Variants in ANKS3 observed in about 807,000 individuals in gnomAD.
ANKS3 encodes the protein ankyrin repeat and SAM domain-containing protein 3.
Under a neutral mutation model 80.7 loss-of-function variants are expected in ANKS3, and 62 were observed. The observed-to-expected ratio is 0.77, with a 90% CI of 0.63 to 0.95. The LOEUF (loss-of-function observed/expected upper bound fraction) is 0.95. Ranked by LOEUF, ANKS3 falls within the 40% of genes least tolerant of loss-of-function variation. The probability of loss-of-function intolerance (pLI) is 0.00; values close to 1 mark genes in which losing one functional copy is unlikely to be tolerated. For synonymous variants in ANKS3, 489 were observed against 355.3 expected (o/e 1.38, Z -4.23); for missense variants, 1,150 against 883.6 (o/e 1.30, Z -3.82).
chr16:4,713,074 A>G (rs906834228), intron 7 of ANKS3, among the ~76,000 whole-genome samples: 1 of 152,128 alleles, frequency 6.6e-6, no homozygotes, highest in Admixed American at 6.6e-5. Context: ...GTTCTAGACC[A>G]GCCTGACCAA....
rs769934638 is a variant in ANKS3 at position 4,730,051 on chromosome 16, C to T, written c.99G>A (p.Leu33=). The T allele has an allele frequency of 1.9e-6, 3 of 1,588,946 alleles. No individual in the cohort carries two copies. In the African/African-American group the frequency reaches 4.1e-5, roughly 22 times the overall value. Residue 33 remains leucine, a synonymous_variant, in exon 3 of 18, where the codon CTG becomes CTA. Transcript: ENST00000304283. The part of the protein sequence containing the change: ...GLGTQVSGEE[L]DVPLDLHTAA... The stretch of plus-strand genomic sequence containing the variant: ...CTGTGTGAAGATCCAGGGGGACATC[C>T]AGCTCCTCCCCGCTGACCTGTGTCC...
chr16:4,706,575 A>G (rs2080209162), intron 7 of ANKS3, among the ~76,000 whole-genome samples: 1 of 152,230 alleles, frequency 6.6e-6, no homozygotes, highest in African/African-American at 2.4e-5. Context: ...TGTGTTTGCT[A>G]TGATTATAAA....
chr16:4,733,428 A>C (rs2081769715), intron 1 of ANKS3, among the ~76,000 whole-genome samples: 1 of 151,880 alleles, frequency 6.6e-6, no homozygotes, highest in Non-Finnish European at 1.5e-5. Flanking sequence ...AGTAGCTGAG[A>C]TTACAGGTAT....
chr16:4,718,652 C>T (rs371059249), intron 6 of ANKS3, among the ~76,000 whole-genome samples: 6 of 152,216 alleles, frequency 3.9e-5, no homozygotes, highest in Non-Finnish European at 8.8e-5. Context: ...GCAGGAAAAA[C>T]GTGGGAGAGA....
chr16:4,727,390 T>C, intron 3 of ANKS3: 1 of 605,016 alleles, frequency 1.7e-6, no homozygotes, highest in East Asian at 2.8e-5. Context: ...TTCGTCTCCT[T>C]GCTCTGATTT....
intron 15 of ANKS3, 104 bp downstream of exon 15, chr16:4,697,873 G>C: frequency 1.8e-6 from 2 of 1,103,904 alleles, no homozygotes; most frequent in Non-Finnish European, 2.5e-6. Context: ...CTGGGAGAGT[G>C]GCTGCCGGCC....
chr16:4,716,855 C>T (rs762041006), intron 6 of ANKS3, among the ~76,000 whole-genome samples: 27 of 152,044 alleles, frequency 1.8e-4, no homozygotes, highest in Non-Finnish European at 3.2e-4. Flanking sequence ...GCGGAGGTTG[C>T]AGTGAGCTGA....
At chr16:4,730,980 G>C (rs2081585920) in intron 2 of ANKS3, among the ~76,000 whole-genome samples, 2 of 152,186 alleles carry the variant, frequency 1.3e-5, no homozygotes, top group African/African-American at 4.8e-5. Context: ...TAAAAGAATG[G>C]ATAAACAAAC....
chr16:4,701,603 G>A (rs1013739480), intron 9 of ANKS3, 60 bp from the exon 10 acceptor site: 48 of 1,484,654 alleles, frequency 3.2e-5, no homozygotes, highest in African/African-American at 3.1e-4. Flanking sequence ...GCGCATGGGC[G>A]TGCCCCGGGC....
At chr16:4,700,888 C>T (rs553397760) in intron 11 of ANKS3, 82 bp downstream of exon 11, 229 of 1,549,480 alleles carry the variant, frequency 1.5e-4, no homozygotes, top group Non-Finnish European at 1.9e-4. Context: ...GCGCCTGGCA[C>T]GTCATATACA....
Position 4,701,817 on chromosome 16 carries a change from T to A in ANKS3, c.1010-274A>T, listed in dbSNP as rs2079923570. 3 of 502,704 alleles carry A rather than the reference T, an allele frequency of 6.0e-6. No individual in the cohort carries two copies. The Admixed American group carries it at 1.1e-4, about 18-fold the overall frequency. The allele number at this position is 502,704 out of a possible 1,614,324, so 31.1% of individuals were successfully genotyped here. ...AAACAGCTGCTGCACGGAGGTGCAG[T>A]TATAACAGACATTCCTACTGGGGCC... On this transcript the variant is annotated intron_variant, in intron 9 of 17. Transcript: ENST00000304283.
At position 4,724,767 on chromosome 16, in the gene ANKS3, G is replaced by A; in HGVS notation, c.556C>T (p.Gln186Ter). 1 of 1,613,858 alleles carries A rather than the reference G, an allele frequency of 6.2e-7. No individual in the cohort carries two copies. The highest frequency in any genetic ancestry group is 8.5e-7 in the Non-Finnish European group (1 of 1,179,920). ...AAAAGHEIIV[Q>*]YFLNHGVKVD... is the part of the protein sequence containing the mutation. The stretch of plus-strand genomic sequence containing the variant: ...TCACTTACGTGATTCAGAAAATACT[G>A]CACGATTATCTCATGGCCAGCAGCA... The change falls in exon 6 of 18, where the codon CAG (glutamine) becomes TAG (stop). Residue 186 changes from glutamine (Q) to a stop codon, truncating the protein, a stop_gained. Coordinates refer to ENST00000304283, the MANE Select transcript of ANKS3 (RefSeq NM_133450.4). LOFTEE classifies it high-confidence loss of function.
chr16:4,729,227 C>T (rs1363927442), intron 3 of ANKS3: 9 of 152,300 alleles, frequency 5.9e-5, no homozygotes, highest in Non-Finnish European at 1.0e-4. Flanking sequence ...TGGGCAGTGA[C>T]GTCGGGAGGT....
intron 5 of ANKS3, among the ~76,000 whole-genome samples, chr16:4,725,763 G>A (rs951524243): frequency 6.6e-6 from 1 of 152,110 alleles, no homozygotes; most frequent in African/African-American, 2.4e-5. Context: ...GGTTTCAAGT[G>A]ATTCTCCCGC....
chr16:4,697,186 T>C (rs2079607443), intron 16 of ANKS3, 82 bp from the exon 17 acceptor site: 1 of 1,567,194 alleles, frequency 6.4e-7, no homozygotes, highest in Non-Finnish European at 8.7e-7. Context: ...AGCTGCAGGA[T>C]GTGACCTGCC....
intron 6 of ANKS3, among the ~76,000 whole-genome samples, chr16:4,719,439 A>G (rs1015326220): frequency 2.0e-5 from 3 of 152,154 alleles, no homozygotes; most frequent in African/African-American, 4.8e-5. Flanking sequence ...GAGGCTCTTT[A>G]TGGTTCTGGG....
intron 8 of ANKS3, among the ~76,000 whole-genome samples, chr16:4,704,569 G>C (rs2080086650): frequency 6.6e-6 from 1 of 152,168 alleles, no homozygotes; most frequent in Admixed American, 6.5e-5. Context: ...GAATGAACGA[G>C]ACTGGAAAAC....
In ANKS3 at chr16:4,702,169, G is replaced by A. The variant is rs774170894; in HGVS notation, c.942C>T (p.Cys314=). Residue 314 remains cysteine, a synonymous_variant, in exon 9 of 18, where the codon TGC becomes TGT. Transcript: ENST00000304283. ...GENPLEEEGL[C]CRDVTSPINE... ...TGATGGGGGAGGTGACATCCCGGCA[G>A]CAGAGGCCCTCTTCTTCCAGGGGGT... The A allele has an allele frequency of 1.9e-5, 31 of 1,593,884 alleles. No homozygotes were observed. Among genetic ancestry groups the A allele is most frequent in the Admixed American group, 7.1e-5 (4 of 56,382 alleles).
chr16:4,726,037 G>A (rs1767574134), intron 5 of ANKS3, among the ~76,000 whole-genome samples: 1 of 149,960 alleles, frequency 6.7e-6, no homozygotes, highest in African/African-American at 2.5e-5. Context: ...GTGCAGTGGT[G>A]CAATCTCGGC....
Sources: gnomAD v4.1 joint callset for allele counts (sites outside exome capture counted in the v4.1 genomes callset) on GRCh38, gnomAD v4.1.1 for gene constraint, MANE v1.5 for transcripts, NCBI Gene and HGNC (gene_info 2026-07-23, HGNC 2026-07-21) for gene names.